Variants in TBC1D30 observed in about 807,000 individuals in gnomAD.
The protein encoded by TBC1D30 is TBC1 domain family, member 30.
TBC1D30 carries 31 observed loss-of-function variants against 63.2 expected under a neutral mutation model. The observed-to-expected ratio is 0.49, with a 90% CI of 0.37 to 0.66. The LOEUF is 0.66. Ranked by LOEUF, TBC1D30 falls within the 30% of genes least tolerant of loss-of-function variation. TBC1D30 has a pLI of 0.00. For synonymous variants in TBC1D30, 307 were observed against 361.5 expected, an observed-to-expected ratio of 0.85 and a Z score of 1.71; for missense variants, 810 against 953.6, an observed-to-expected ratio of 0.85 and a Z score of 1.98.
At chr12:64,826,872 T>C (rs1008365107) in intron 1 of TBC1D30, among the ~76,000 whole-genome samples, 1 of 152,106 alleles carries the variant, frequency 6.6e-6, no homozygotes, top group Non-Finnish European at 1.5e-5. Flanking sequence ...CTTGCAAAAA[T>C]CAGATACATC....
intron 2 of TBC1D30, among the ~76,000 whole-genome samples, chr12:64,816,812 T>C (rs1873570124): frequency 6.9e-6 from 1 of 143,922 alleles, no homozygotes; most frequent in African/African-American, 2.5e-5. Context: ...CTCCCTCCCT[T>C]CCTGCCTTTC....
intron 8 of TBC1D30, among the ~76,000 whole-genome samples, chr12:64,862,573 ACTTC>A (rs746268949): frequency 8.7e-4 from 133 of 152,224 alleles, no homozygotes; most frequent in Non-Finnish European, 1.4e-3. Flanking sequence ...CCTCTTATGA[ACTTC>A]CTTCACAAGG....
chr12:64,787,339 G>T, intron 2 of TBC1D30: 1 of 983,464 alleles, frequency 1.0e-6, no homozygotes, highest in Non-Finnish European at 1.2e-6. Context: ...TTTTTGTTTT[G>T]CATTCTTTAT....
intron 2 of TBC1D30, among the ~76,000 whole-genome samples, chr12:64,802,557 T>C (rs1042612957): frequency 6.6e-6 from 1 of 152,160 alleles, no homozygotes; most frequent in African/African-American, 2.4e-5. Flanking sequence ...TACAGGTTTG[T>C]CACATATGTA....
intron 1 of TBC1D30, among the ~76,000 whole-genome samples, chr12:64,760,668 C>CT: frequency 6.6e-6 from 1 of 152,064 alleles, no homozygotes; most frequent in Non-Finnish European, 1.5e-5. Context: ...AGTATTTTCT[C>CT]TGAGTTGAAC....
chr12:64,814,477 T>C (rs546694060), intron 2 of TBC1D30, among the ~76,000 whole-genome samples: 1 of 152,332 alleles, frequency 6.6e-6, no homozygotes, highest in African/African-American at 2.4e-5. Flanking sequence ...AAAAAACTAC[T>C]TTGAATTTTT....
Position 64,836,565 on chromosome 12 carries a change from A to G in TBC1D30, c.670A>G (p.Met224Val). Reference protein sequence around the residue: ...VNNLRALSVDMAVFRDLLRMK... With the variant: ...VNNLRALSVDVAVFRDLLRMK... ...TAATCTCCGGGCATTGTCTGTGGAT[A>G]TGGCTGTCTTCAGAGACCTTTTAAG... The change falls in exon 6 of 12, where the codon ATG becomes GTG. Residue 224 changes from methionine (M) to valine (V), a missense_variant. Physicochemically the swap from Met to Val is conservative, Grantham distance 21. This residue lies in a region of TBC1D30 where 272 missense variants were observed against 335.9 expected (regional missense o/e 0.81). Coordinates refer to ENST00000539867, the MANE Select transcript of TBC1D30 (RefSeq NM_015279.2). 1 of 1,535,986 alleles carries G rather than the reference A, an allele frequency of 6.5e-7. No homozygotes were observed. Among genetic ancestry groups the G allele is most frequent in the Non-Finnish European group, 8.7e-7 (1 of 1,146,880 alleles).
Position 64,877,012 on chromosome 12 carries a change from A to T in TBC1D30, c.*1224A>T. The T allele has an allele frequency of 2.3e-6, 1 of 430,274 alleles. No homozygotes were observed. The highest frequency in any genetic ancestry group is 4.7e-6 in the Non-Finnish European group (1 of 212,480). 26.7% of individuals were successfully genotyped at this position (430,274 alleles called of 1,614,324 possible). ...TAGGTGGGTTTAATGCTCTTTGTAC[A>T]CAGATGTATTGGCTACATAGCGTGT... On this transcript the variant is annotated 3_prime_UTR_variant, in exon 12 of 12. Coordinates refer to ENST00000539867, the MANE Select transcript of TBC1D30 (RefSeq NM_015279.2).
At chr12:64,779,949 G>A (rs376295517), upstream of TBC1D30, among the ~76,000 whole-genome samples, 1 of 152,180 alleles carries the variant, frequency 6.6e-6, no homozygotes, top group Admixed American at 6.5e-5. Flanking sequence ...TATCTACAGT[G>A]GAGCGGCAGT....
chr12:64,847,277 T>C (rs1228133271), intron 8 of TBC1D30, among the ~76,000 whole-genome samples: 1 of 151,982 alleles, frequency 6.6e-6, no homozygotes, highest in East Asian at 1.9e-4. Context: ...TCTTCTCTCT[T>C]TTTTTCTTAG....
chr12:64,811,896 T>G (rs992979839), intron 2 of TBC1D30, among the ~76,000 whole-genome samples: 4 of 152,216 alleles, frequency 2.6e-5, no homozygotes, highest in Non-Finnish European at 5.9e-5. Context: ...CAAAATGTTT[T>G]GATCCTGCTA....
intron 7 of TBC1D30, among the ~76,000 whole-genome samples, chr12:64,841,506 C>T (rs565513839): frequency 1.7e-4 from 26 of 152,346 alleles, no homozygotes; most frequent in Non-Finnish European, 3.5e-4. Flanking sequence ...TGTTCCCTCA[C>T]TCCCTATTAA....
intron 6 of TBC1D30, 114 bp from the exon 7 acceptor site, chr12:64,838,569 A>C: frequency 9.6e-7 from 1 of 1,043,972 alleles, no homozygotes; most frequent in Non-Finnish European, 1.3e-6. Flanking sequence ...AATATGAAGA[A>C]ATCAGTCAGG....
rs1446370352 is a variant in TBC1D30, at chr12:64,838,794, T to C, written c.875T>C (p.Phe292Ser). 1 of 1,536,148 alleles carries C rather than the reference T, an allele frequency of 6.5e-7. No homozygotes were observed. ...TVLKIWDSVF[F>S]EGSEIILRVS... ...TTAAAGATCTGGGATTCAGTCTTCT[T>C]TGAAGGTTCAGAAATCATCCTAAGG... Residue 292 changes from phenylalanine to serine, a missense_variant, in exon 7 of 12, where the codon TTT (phenylalanine) becomes TCT (serine). Coordinates refer to ENST00000539867, the MANE Select transcript of TBC1D30 (RefSeq NM_015279.2).
upstream of TBC1D30, among the ~76,000 whole-genome samples, chr12:64,775,548 G>C (rs1871052105): frequency 1.3e-5 from 2 of 152,140 alleles, no homozygotes; most frequent in Admixed American, 1.3e-4. Context: ...ATTATATAAT[G>C]GTAAAGGGTT....
At chr12:64,767,897 T>TAA (rs112608389) in intron 1 of TBC1D30, among the ~76,000 whole-genome samples, 40 of 145,394 alleles carry the variant, frequency 2.8e-4, no homozygotes, top group African/African-American at 9.3e-4. Context: ...GCCTCCAAAG[T>TAA]AAAAAAAAAA....
Position 64,876,992 on chromosome 12 carries a change from G to T in TBC1D30, c.*1204G>T, listed in dbSNP as rs1384927601. The T allele has an allele frequency of 2.0e-5, 9 of 448,702 alleles. No homozygotes were observed. The highest frequency in any genetic ancestry group is 4.0e-5 in the Non-Finnish European group (9 of 222,738). The allele number at this position is 448,702 out of a possible 1,614,324, so 27.8% of individuals were successfully genotyped here. On this transcript the variant is annotated 3_prime_UTR_variant, in exon 12 of 12. Transcript: ENST00000539867. ...CCACATTTCCTTCAGTGCAATAGGT[G>T]GGTTTAATGCTCTTTGTACACAGAT...
Position 64,808,772 on chromosome 12 carries a change from C to G in TBC1D30, c.644-19063C>G, listed in dbSNP as rs111984400. 2.1e-4 allele frequency among the ~76,000 whole-genome samples: 32 copies of G among 151,604 alleles called. 2 individuals are homozygous for G. The highest frequency in any genetic ancestry group is 7.2e-4 in the African/African-American group (30 of 41,400). On this transcript the variant is annotated intron_variant, in intron 2 of 12. Transcript: ENST00000542120. ...TCCCCAGCCCCTGGCAACCCCCATT[C>G]AGTATTTGTCCTCTTGTGATGGGTT... is the stretch of plus-strand genomic sequence containing the variant.
intron 1 of TBC1D30, among the ~76,000 whole-genome samples, chr12:64,769,862 T>C (rs1870843814): frequency 6.6e-6 from 1 of 152,082 alleles, no homozygotes; most frequent in Admixed American, 6.6e-5. Flanking sequence ...TACAAATCAG[T>C]TTTAAGTTGA....
Sources: allele counts gnomAD v4.1 joint callset (sites outside exome capture counted in the v4.1 genomes callset), GRCh38; gene constraint gnomAD v4.1.1; regional missense constraint gnomAD v4.1.1; transcripts MANE v1.5; gene names NCBI Gene and HGNC (gene_info 2026-07-23, HGNC 2026-07-21).